OR51E2: variants seen among roughly 807,000 people sequenced by gnomAD.
The protein encoded by OR51E2 is olfactory receptor family 51 subfamily E member 2.
In OR51E2, 14 loss-of-function variants were observed where a neutral mutation model predicts 13.7. The observed-to-expected ratio is 1.02, with a 90% confidence interval of 0.68 to 1.60. The LOEUF (loss-of-function observed/expected upper bound fraction) is 1.60. Among genes scored for constraint, OR51E2 ranks in the 40% most tolerant of loss-of-function variants. The probability of loss-of-function intolerance (pLI) is 0.00; values close to 1 mark genes in which losing one functional copy is unlikely to be tolerated. For missense variants in OR51E2, 483 were observed against 413.8 expected (o/e 1.17, Z -1.45); for synonymous variants, 180 against 157.6 (o/e 1.14, Z -1.07).
intron 1 of OR51E2, among the ~76,000 whole-genome samples, chr11:4,686,973 T>G (rs1421719136): frequency 1.3e-5 from 2 of 152,216 alleles, no homozygotes; most frequent in Non-Finnish European, 2.9e-5. Context: ...GCAGAAGTTC[T>G]GTGAACATCT....
Position 4,693,709 on chromosome 11 carries a change from G to A in OR51E2, c.-51+3944C>T, listed in dbSNP as rs561418088. ...TGCACTCCAACCTGGGCGACAGAGCGAGACTCCGTTTCAAAAAACAAACAA... is the reference window on the plus strand; with the variant it reads ...TGCACTCCAACCTGGGCGACAGAGCAAGACTCCGTTTCAAAAAACAAACAA... On this transcript the variant is annotated intron_variant, in intron 1 of 1. Coordinates refer to ENST00000396950, the MANE Select transcript of OR51E2 (RefSeq NM_030774.4). Among the ~76,000 whole-genome samples, 9 of 152,144 alleles carry A rather than the reference G, an allele frequency of 5.9e-5. 2 individuals carry two copies. In the South Asian group the frequency reaches 1.0e-3, roughly 18 times the overall value.
intron 1 of OR51E2, chr11:4,691,499 C>G: frequency 2.2e-6 from 1 of 456,098 alleles, no homozygotes; most frequent in South Asian, 1.6e-5. Context: ...CAGTGGCGGA[C>G]AGCATGGAGA....
At chr11:4,682,878 C>G (rs952808786) in intron 1 of OR51E2, 117 bp from the exon 2 acceptor site, 25 of 652,754 alleles carry the variant, frequency 3.8e-5, no homozygotes, top group Non-Finnish European at 5.7e-5. Context: ...AGGCCCTCTT[C>G]CAAAGGCGGG....
At chr11:4,686,702 A>G (rs1050583884) in intron 1 of OR51E2, among the ~76,000 whole-genome samples, 2 of 152,092 alleles carry the variant, frequency 1.3e-5, no homozygotes, top group Non-Finnish European at 2.9e-5. Flanking sequence ...TCTTATTTCC[A>G]TCTTCACCAC....
chr11:4,693,064 T>A (rs1847606419), intron 1 of OR51E2, among the ~76,000 whole-genome samples: 1 of 152,140 alleles, frequency 6.6e-6, no homozygotes, highest in African/African-American at 2.4e-5. Context: ...TTATAGTTAA[T>A]GTATAGTATA....
rs935594953 is a variant in OR51E2, at chr11:4,686,394, C to A, written c.-50-3633G>T. 3.3e-5 allele frequency among the ~76,000 whole-genome samples: 5 copies of A among 152,120 alleles called. No individual in the cohort carries two copies. In the East Asian group the frequency reaches 9.6e-4, roughly 29 times the overall value. ...GAGTCAACCAAAAAGGAAAGAGAAA[C>A]TGGAGAGGTCAATGGATGTGAACTG... On this transcript the variant is annotated intron_variant, in intron 1 of 1. Coordinates refer to ENST00000396950, the MANE Select transcript of OR51E2 (RefSeq NM_030774.4).
intron 1 of OR51E2, among the ~76,000 whole-genome samples, chr11:4,696,404 A>G (rs929041288): frequency 2.6e-5 from 4 of 152,050 alleles, no homozygotes; most frequent in Non-Finnish European, 4.4e-5. Context: ...TCTCTCTCTC[A>G]TCCCTTACAT....
intron 1 of OR51E2, chr11:4,685,771 A>T (rs1183152215): frequency 6.6e-6 from 1 of 152,218 alleles, no homozygotes; most frequent in East Asian, 1.9e-4. Flanking sequence ...AGATAAAAAA[A>T]ACTCACCCCA....
At chr11:4,696,369 G>C (rs1340960234) in intron 1 of OR51E2, among the ~76,000 whole-genome samples, 1 of 151,940 alleles carries the variant, frequency 6.6e-6, no homozygotes, top group Non-Finnish European at 1.5e-5. Context: ...ACACACACAT[G>C]TGTGCACACA....
Position 4,681,916 on chromosome 11 carries a change from T to A in OR51E2, c.796A>T (p.Ser266Cys), listed in dbSNP as rs761343098. ...GLSVVHRFGN[S>C]LHPIVRVVMG... Reference sequence around the variant, plus strand: ...ACAACACGCACAATGGGATGAAGGCTGTTTCCAAAGCGGTGTACCACTGAG... The same window carrying A: ...ACAACACGCACAATGGGATGAAGGCAGTTTCCAAAGCGGTGTACCACTGAG... Residue 266 changes from serine to cysteine, a missense_variant, in exon 2 of 2, where the codon AGC (serine) becomes TGC (cysteine). By Grantham distance (112) the Ser-to-Cys change is moderately radical. Coordinates refer to ENST00000396950, the MANE Select transcript of OR51E2 (RefSeq NM_030774.4). 3.4e-5 allele frequency: 55 copies of A among 1,614,032 alleles called. No individual in the cohort carries two copies. The highest frequency in any genetic ancestry group is 4.7e-5 in the Non-Finnish European group (55 of 1,180,038).
intron 1 of OR51E2, among the ~76,000 whole-genome samples, chr11:4,688,159 A>G (rs1476782893): frequency 6.6e-6 from 1 of 152,192 alleles, no homozygotes; most frequent in Non-Finnish European, 1.5e-5. Flanking sequence ...TAAATAACAT[A>G]TATGTGATAT....
intron 1 of OR51E2, among the ~76,000 whole-genome samples, chr11:4,690,042 TATA>T (rs1471666733): frequency 1.4e-5 from 2 of 147,968 alleles, no homozygotes; most frequent in African/African-American, 2.4e-5. Context: ...TATAAGTTCA[TATA>T]ATTTTTACAA....
rs1589870672 is a variant in OR51E2, at chr11:4,680,422, A to G, written c.*1327T>C. On this transcript the variant is annotated 3_prime_UTR_variant, in exon 2 of 2. Transcript: ENST00000396950. Reference sequence around the variant, plus strand: ...CACAACTAGGGCAAGGTTATCTCTCATCACAAGTACAAAGCCATTGATGTT... The same window carrying G: ...CACAACTAGGGCAAGGTTATCTCTCGTCACAAGTACAAAGCCATTGATGTT... The G allele has an allele frequency of 6.5e-6, 1 of 152,790 alleles. No homozygotes were observed. The highest frequency in any genetic ancestry group is 1.9e-4 in the East Asian group (1 of 5,184). 9.5% of individuals were successfully genotyped at this position (152,790 alleles called of 1,614,324 possible). A position where few individuals can be genotyped will look rare whatever the true frequency, so the allele number is the denominator to read the frequency against.
rs1468316674 is a variant in OR51E2, at chr11:4,682,538, C to T, written c.174G>A (p.Met58Ile). Reference protein sequence around the residue: ...VRTERSLHAPMYLFLCMLAAI... With the variant: ...VRTERSLHAPIYLFLCMLAAI... ...CTGCAAGCATGCAGAGAAAGAGGTA[C>T]ATCGGAGCGTGCAGGCTGCGTTCCG... is the stretch of plus-strand genomic sequence containing the variant. The change falls in exon 2 of 2, where the codon ATG (methionine) becomes ATA (isoleucine). Residue 58 changes from methionine to isoleucine, a missense_variant. Coordinates refer to ENST00000396950, the MANE Select transcript of OR51E2 (RefSeq NM_030774.4). The T allele has an allele frequency of 1.9e-6, 3 of 1,614,200 alleles. No individual in the cohort carries two copies. The highest frequency in any genetic ancestry group is 2.2e-5 in the South Asian group (2 of 91,078).
At position 4,681,977 on chromosome 11, in the gene OR51E2, A is replaced by T. The variant is rs141211692; in HGVS notation, c.735T>A (p.Gly245=). The change falls in exon 2 of 2, where the codon GGT becomes GGA. Residue 245 remains glycine (G), a synonymous_variant. Transcript: ENST00000396950. Reference sequence around the variant, plus strand: ...GTGGCACATAGAAGGCGAGTACCACACCAATGTGTGACACACAGGTTCCAA... The same window carrying T: ...GTGGCACATAGAAGGCGAGTACCACTCCAATGTGTGACACACAGGTTCCAA... ...KAFGTCVSHI[G]VVLAFYVPLI... 3.7e-6 allele frequency: 6 copies of T among 1,614,226 alleles called. No individual in the cohort carries two copies. The highest frequency in any genetic ancestry group is 5.1e-6 in the Non-Finnish European group (6 of 1,180,038).
Position 4,682,607 on chromosome 11 carries a change from T to C in OR51E2, c.105A>G (p.Val35=). The change falls in exon 2 of 2, where the codon GTA becomes GTG. Residue 35 remains valine (V), a synonymous_variant. Coordinates refer to ENST00000396950, the MANE Select transcript of OR51E2 (RefSeq NM_030774.4). ...CGATGCAGTTTCCAAACATTGCCAC[T>C]ACATACATGGAAAGGAGGGGGAAGC... ...WVGFPLLSMY[V]VAMFGNCIVV... 6.2e-7 allele frequency: 1 copy of C among 1,614,194 alleles called. No individual in the cohort carries two copies. Among genetic ancestry groups the C allele is most frequent in the Non-Finnish European group, 8.5e-7 (1 of 1,180,032 alleles).
At position 4,690,735 on chromosome 11, in the gene OR51E2, T is replaced by C. The variant is rs899478411; in HGVS notation, c.-51+6918A>G. 2.6e-5 allele frequency: 10 copies of C among 382,024 alleles called. No individual in the cohort carries two copies. The Admixed American group carries it at 3.4e-4, about 13-fold the overall frequency. 23.7% of individuals were successfully genotyped at this position (382,024 alleles called of 1,614,324 possible). A position where few individuals can be genotyped will look rare whatever the true frequency, so the allele number is the denominator to read the frequency against. On this transcript the variant is annotated intron_variant, in intron 1 of 1. Coordinates refer to ENST00000396950, the MANE Select transcript of OR51E2 (RefSeq NM_030774.4). ...GAAGTATACCATCTTGAGGGGTCCA[T>C]CTAGTGCTAGAATTCTACAATTTTA...
At chr11:4,693,670 C>G (rs939717344) in intron 1 of OR51E2, among the ~76,000 whole-genome samples, 1 of 152,138 alleles carries the variant, frequency 6.6e-6, no homozygotes, top group Non-Finnish European at 1.5e-5. Flanking sequence ...CCAGGTGAAC[C>G]GAGATGGCGC....
chr11:4,689,726 C>T (rs1782281309), intron 1 of OR51E2, among the ~76,000 whole-genome samples: 1 of 152,076 alleles, frequency 6.6e-6, no homozygotes, highest in Non-Finnish European at 1.5e-5. Context: ...CATTTGTAGT[C>T]ACTTTCCATT....
Sources: gnomAD v4.1 joint callset for allele counts (sites outside exome capture counted in the v4.1 genomes callset) on GRCh38, gnomAD v4.1.1 for gene constraint, MANE v1.5 for transcripts, NCBI Gene and HGNC (gene_info 2026-07-23, HGNC 2026-07-21) for gene names.